The following RANBP2 variants were observed in gnomAD, a reference collection of about 807,000 sequenced individuals.
RANBP2 encodes the protein RAN binding protein 2.
In RANBP2, 57 loss-of-function variants were observed where a neutral mutation model predicts 303.6. The observed-to-expected ratio is 0.19, with a 90% CI of 0.15 to 0.23. The LOEUF is 0.23. Among genes scored for constraint, RANBP2 ranks in the 10% least tolerant of loss-of-function variants. The pLI is 1.00. For missense variants in RANBP2, 3,138 were observed against 3,780.8 expected, an observed-to-expected ratio of 0.83 and a Z score of 4.46; for synonymous variants, 1,167 against 1,301.5, an observed-to-expected ratio of 0.90 and a Z score of 2.23.
At chr2:109,520,963 C>G in the RANBP2 span, among the ~76,000 whole-genome samples, 1 of 151,396 alleles carries the variant, frequency 6.6e-6, no homozygotes, top group African/African-American at 2.4e-5. Context: ...GGCGCGGTGG[C>G]TCACGCTTGT....
At chr2:109,553,300 T>TG in the RANBP2 span, 4 of 1,453,140 alleles carry the variant, frequency 2.8e-6, no homozygotes, top group Non-Finnish European at 3.8e-6. Context: ...ATCCCAACAC[T>TG]TTGGGAGGCC....
the RANBP2 span, among the ~76,000 whole-genome samples, chr2:109,143,538 C>T: frequency 6.6e-6 from 1 of 151,944 alleles, no homozygotes; most frequent in Non-Finnish European, 1.5e-5. Context: ...AGCCCAGGAG[C>T]TTGAGACCAG....
chr2:109,008,590 TAAAAAA>T, the RANBP2 span, among the ~76,000 whole-genome samples: 61 of 145,386 alleles, frequency 4.2e-4, no homozygotes, highest in African/African-American at 6.1e-4. Flanking sequence ...AAGAAAAGGG[TAAAAAA>T]AAAAAAAAAA....
chr2:108,744,678 A>C (rs1396266610), intron 7 of RANBP2, among the ~76,000 whole-genome samples: 1 of 152,254 alleles, frequency 6.6e-6, no homozygotes, highest in Non-Finnish European at 1.5e-5. Flanking sequence ...AAAATTCAAA[A>C]TCAGAAGCTT....
At chr2:109,497,600 G>A in the RANBP2 span, among the ~76,000 whole-genome samples, 1 of 152,216 alleles carries the variant, frequency 6.6e-6, no homozygotes, top group Non-Finnish European at 1.5e-5. Context: ...ATCCTCAGCT[G>A]CTGACACGGA....
At chr2:109,203,035 A>G in the RANBP2 span, among the ~76,000 whole-genome samples, 1 of 152,182 alleles carries the variant, frequency 6.6e-6, no homozygotes, top group Non-Finnish European at 1.5e-5. Context: ...CCATGGTCCT[A>G]CAGTGATTGG....
chr2:109,572,969 C>A, the RANBP2 span, among the ~76,000 whole-genome samples: 1 of 152,086 alleles, frequency 6.6e-6, no homozygotes, highest in Non-Finnish European at 1.5e-5. Flanking sequence ...GTAGTTTACA[C>A]TTTTATCATA....
At chr2:109,413,717 T>C in the RANBP2 span, among the ~76,000 whole-genome samples, 1 of 152,218 alleles carries the variant, frequency 6.6e-6, no homozygotes, top group African/African-American at 2.4e-5. Flanking sequence ...AGCATAGACA[T>C]GTCATGAGGG....
Position 108,771,850 on chromosome 2 carries a change from G to C in RANBP2, c.7999G>C (p.Val2667Leu). 1 of 1,613,962 alleles carries C rather than the reference G, an allele frequency of 6.2e-7. No individual in the cohort carries two copies. Residue 2667 changes from valine to leucine, a missense_variant, in exon 21 of 29, where the codon GTT becomes CTT. Coordinates refer to ENST00000283195, the MANE Select transcript of RANBP2 (RefSeq NM_006267.5). The stretch of plus-strand genomic sequence containing the variant: ...CTGCTACAAGAATAGACCAGATTAT[G>C]TTAGTGAAGAAGAGGAGGATGGTAA... ...FFCYKNRPDY[V>L]SEEEEDDEDF...
At chr2:109,291,704 C>A in the RANBP2 span, among the ~76,000 whole-genome samples, 1 of 152,168 alleles carries the variant, frequency 6.6e-6, no homozygotes, top group Non-Finnish European at 1.5e-5. Flanking sequence ...CCTCTTTGCT[C>A]CTCTTTGTCT....
chr2:109,266,534 A>G, the RANBP2 span, among the ~76,000 whole-genome samples: 2 of 152,188 alleles, frequency 1.3e-5, no homozygotes, highest in South Asian at 4.2e-4. Context: ...TCCTCAATAC[A>G]GTGAAGTCCT....
chr2:109,251,588 A>G, the RANBP2 span: 2 of 943,402 alleles, frequency 2.1e-6, no homozygotes, highest in South Asian at 2.6e-5. Flanking sequence ...CAACAGAACA[A>G]TATTGGAATG....
the RANBP2 span, among the ~76,000 whole-genome samples, chr2:108,879,712 G>A: frequency 6.6e-6 from 1 of 152,064 alleles, no homozygotes; most frequent in Non-Finnish European, 1.5e-5. Flanking sequence ...AAAAAGAAAT[G>A]GGGTTAGGGA....
At chr2:109,332,098 G>C in the RANBP2 span, among the ~76,000 whole-genome samples, 1 of 152,188 alleles carries the variant, frequency 6.6e-6, no homozygotes, top group Non-Finnish European at 1.5e-5. Context: ...GGGTGCTTCT[G>C]TTTAGCATAG....
chr2:108,788,965 T>C (rs73952515), downstream of RANBP2: 4,013 of 1,613,960 alleles, frequency 2.5e-3, 84 homozygotes, highest in African/African-American at 0.048. Context: ...AAATGTGAAT[T>C]GGTAAAGTAC....
At chr2:108,865,468 C>T in the RANBP2 span, among the ~76,000 whole-genome samples, 1 of 152,146 alleles carries the variant, frequency 6.6e-6, no homozygotes, top group Non-Finnish European at 1.5e-5. Context: ...TTTTCCTTGA[C>T]ATTCTCTGTT....
chr2:109,075,270 G>A, the RANBP2 span, among the ~76,000 whole-genome samples: 5 of 150,252 alleles, frequency 3.3e-5, no homozygotes, highest in South Asian at 4.2e-4. Flanking sequence ...TGTCCCACAG[G>A]CTGGAGTGCA....
chr2:109,334,358 TA>T, the RANBP2 span, among the ~76,000 whole-genome samples: 40,286 of 125,968 alleles, frequency 0.32, 6,676 homozygotes, highest in African/African-American at 0.46. Flanking sequence ...TTTTTTCCTT[TA>T]AAAAAAAAAA....
At chr2:109,350,407 C>G in the RANBP2 span, among the ~76,000 whole-genome samples, 2 of 152,156 alleles carry the variant, frequency 1.3e-5, no homozygotes, top group African/African-American at 4.8e-5. Flanking sequence ...TTACTTGAAT[C>G]CTGTGAGTTA....
Sources: gnomAD v4.1 joint callset for allele counts (sites outside exome capture counted in the v4.1 genomes callset) on GRCh38, gnomAD v4.1.1 for gene constraint, MANE v1.5 for transcripts, NCBI Gene and HGNC (gene_info 2026-07-23, HGNC 2026-07-21) for gene names.